Variants in PCDHA5 observed in about 807,000 individuals in gnomAD.
PCDHA5 encodes protocadherin alpha-5.
In PCDHA5, 43 loss-of-function variants were observed where a neutral mutation model predicts 61.6. That is an observed-to-expected ratio of 0.70 (90% confidence interval 0.55 to 0.90). The LOEUF is 0.90. Among genes scored for constraint, PCDHA5 ranks in the 40% least tolerant of loss-of-function variants. The pLI is 0.00. For missense variants in PCDHA5, 1,298 were observed against 1,222.7 expected (o/e 1.06, Z -0.92); for synonymous variants, 627 against 543.9 (o/e 1.15, Z -2.13).
chr5:140,961,776 A>G (rs1554225585), intron 1 of PCDHA5, among the ~76,000 whole-genome samples: 1 of 152,188 alleles, frequency 6.6e-6, no homozygotes, highest in African/African-American at 2.4e-5. Flanking sequence ...ATCAAGCTTA[A>G]TGGCACTTTT....
At chr5:140,828,179 C>G (rs1377583653) in intron 1 of PCDHA5, 3 of 1,614,168 alleles carry the variant, frequency 1.9e-6, no homozygotes, top group Non-Finnish European at 2.5e-6. Context: ...GGGGAGCGGC[C>G]AGCTCCACTA....
chr5:140,965,942 C>G (rs2095950444), intron 1 of PCDHA5, among the ~76,000 whole-genome samples: 2 of 152,330 alleles, frequency 1.3e-5, no homozygotes, highest in Admixed American at 1.3e-4. Flanking sequence ...AAGAGGGCAG[C>G]ATTTGCCATC....
intron 1 of PCDHA5, chr5:140,834,305 T>C (rs2150215189): frequency 1.5e-6 from 2 of 1,328,712 alleles, no homozygotes; most frequent in African/African-American, 1.5e-5. Flanking sequence ...CACATCGAGA[T>C]TGAAATGAAG....
chr5:141,011,247 G>A lies in PCDHA5; in HGVS notation c.*1310G>A, dbSNP rs1554263390. On this transcript the variant is annotated 3_prime_UTR_variant, in exon 4 of 4. Transcript: ENST00000529859. The stretch of plus-strand genomic sequence containing the variant: ...TCTACTAATTCTGTGACTTGTCTTG[G>A]TGTGCTAGCCTACACCTTCTCTTTG... The A allele has an allele frequency of 2.0e-5, 3 of 153,772 alleles. No individual in the cohort carries two copies. The highest frequency in any genetic ancestry group is 7.2e-5 in the African/African-American group (3 of 41,538). The allele number at this position is 153,772 out of a possible 1,614,324, so 9.5% of individuals were successfully genotyped here.
intron 1 of PCDHA5, chr5:140,830,046 A>G: frequency 6.2e-7 from 1 of 1,613,718 alleles, no homozygotes; most frequent in Non-Finnish European, 8.5e-7. Context: ...GTGCTGGTGA[A>G]AGACCACGGT....
intron 1 of PCDHA5, chr5:140,871,248 G>C (rs782440984): frequency 7.2e-5 from 117 of 1,613,852 alleles, no homozygotes; most frequent in Non-Finnish European, 9.5e-5. Context: ...TCACGCTGCT[G>C]CTGTATACGG....
intron 3 of PCDHA5, 112 bp downstream of exon 3, chr5:140,982,675 T>A (rs782533593): frequency 1.3e-4 from 192 of 1,441,664 alleles, no homozygotes; most frequent in Middle Eastern, 9.1e-4. Flanking sequence ...ATTTTTGTTA[T>A]TCCCTTTTTT....
Position 140,885,608 on chromosome 5 carries a change from A to T in PCDHA5, c.2352+61481A>T, listed in dbSNP as rs1163790004. Among the ~76,000 whole-genome samples the T allele has an allele frequency of 2.0e-5, 3 of 152,192 alleles. No homozygotes were observed. In the East Asian group the frequency reaches 5.8e-4, roughly 29 times the overall value. On this transcript the variant is annotated intron_variant, in intron 1 of 3. Coordinates refer to ENST00000529859, the MANE Select transcript of PCDHA5 (RefSeq NM_018908.3). ...TGCATCAAAGATATTAATAATTTTA[A>T]TTATAAAATATGTCACTGGATTGCC...
chr5:140,939,388 A>C, intron 1 of PCDHA5, among the ~76,000 whole-genome samples: 1 of 152,232 alleles, frequency 6.6e-6, no homozygotes, highest in East Asian at 1.9e-4. Context: ...CATTCAGATC[A>C]TAGCAAGTTT....
At chr5:140,831,687 G>A (rs893697384) in intron 1 of PCDHA5, among the ~76,000 whole-genome samples, 1 of 152,012 alleles carries the variant, frequency 6.6e-6, no homozygotes, top group African/African-American at 2.4e-5. Flanking sequence ...TGAATGAAAA[G>A]CAGCAAAAAG....
In PCDHA5 at chr5:140,875,591, A is replaced by G. The variant is rs1438500941; in HGVS notation, c.2352+51464A>G. ...CACTACTCCGTCTACGAGGAGGCCAAACACGGCACCTTCGTGGGCCGCATC... is the reference window on the plus strand; with the variant it reads ...CACTACTCCGTCTACGAGGAGGCCAGACACGGCACCTTCGTGGGCCGCATC... On this transcript the variant is annotated intron_variant, in intron 1 of 3. Coordinates refer to ENST00000529859, the MANE Select transcript of PCDHA5 (RefSeq NM_018908.3). The G allele has an allele frequency of 9.3e-6, 15 of 1,613,878 alleles. No homozygotes were observed. The highest frequency in any genetic ancestry group is 1.7e-5 in the Admixed American group (1 of 60,004).
chr5:140,918,703 A>G (rs2153549940), intron 1 of PCDHA5, among the ~76,000 whole-genome samples: 1 of 152,306 alleles, frequency 6.6e-6, no homozygotes, highest in Non-Finnish European at 1.5e-5. Context: ...TTAAGTCATG[A>G]GGGCAGAGCC....
intron 1 of PCDHA5, among the ~76,000 whole-genome samples, chr5:140,965,427 G>A (rs1336088571): frequency 6.6e-6 from 1 of 152,104 alleles, no homozygotes; most frequent in Non-Finnish European, 1.5e-5. Flanking sequence ...AAGATAAGCT[G>A]CAGTCATTGA....
intron 1 of PCDHA5, among the ~76,000 whole-genome samples, chr5:140,902,579 A>G (rs2069572489): frequency 6.6e-6 from 1 of 152,078 alleles, no homozygotes. Flanking sequence ...TAAGATTTCA[A>G]TAGTTTTGGG....
At chr5:140,920,516 A>G (rs2079670610) in intron 1 of PCDHA5, among the ~76,000 whole-genome samples, 1 of 152,156 alleles carries the variant, frequency 6.6e-6, no homozygotes, top group African/African-American at 2.4e-5. Flanking sequence ...GTTTTATGCA[A>G]TTCGTTAGAC....
intron 1 of PCDHA5, chr5:140,850,975 T>G: frequency 6.9e-7 from 1 of 1,451,728 alleles, no homozygotes; most frequent in Non-Finnish European, 9.2e-7. Flanking sequence ...GTTCAAATAG[T>G]TTTATTCATT....
chr5:140,842,949 C>G lies in PCDHA5; in HGVS notation c.2352+18822C>G, dbSNP rs6889154. On this transcript the variant is annotated intron_variant, in intron 1 of 3. Coordinates refer to ENST00000529859, the MANE Select transcript of PCDHA5 (RefSeq NM_018908.3). ...GTGAGCGCGCGCGACGCGGGCGTGC[C>G]GCCTCTGGGCAGCAACGTGACGCTG... 8 of 1,594,550 alleles carry G rather than the reference C, an allele frequency of 5.0e-6. 1 individual carries two copies. The highest frequency in any genetic ancestry group is 1.3e-5 in the African/African-American group (1 of 74,346).
intron 1 of PCDHA5, chr5:140,883,464 C>G (rs1219426048): frequency 6.2e-7 from 1 of 1,614,044 alleles, no homozygotes; most frequent in African/African-American, 1.3e-5. Flanking sequence ...AAGCTGGTGT[C>G]CACCTACAAG....
At chr5:140,923,966 C>T (rs1422839186) in intron 1 of PCDHA5, among the ~76,000 whole-genome samples, 3 of 152,188 alleles carry the variant, frequency 2.0e-5, no homozygotes, top group Non-Finnish European at 4.4e-5. Flanking sequence ...AATCTATACC[C>T]ACACATACTA....
Sources: allele counts gnomAD v4.1 joint callset (sites outside exome capture counted in the v4.1 genomes callset), GRCh38; gene constraint gnomAD v4.1.1; transcripts MANE v1.5; gene names NCBI Gene and HGNC (gene_info 2026-07-23, HGNC 2026-07-21).